Variants in CHD9 observed in about 807,000 individuals in gnomAD.
CHD9 encodes ATP-dependent chromatin remodeler CHD9.
CHD9 carries 77 observed loss-of-function variants against 316.1 expected under a neutral mutation model. That is an observed-to-expected ratio of 0.24 (90% CI 0.20 to 0.29). CHD9 has a LOEUF of 0.29. Ranked by LOEUF, CHD9 falls within the 10% of genes least tolerant of loss-of-function variation. The probability of loss-of-function intolerance (pLI) is 1.00; values close to 1 mark genes in which losing one functional copy is unlikely to be tolerated. For synonymous variants in CHD9, 1,129 were observed against 1,158.3 expected (o/e 0.97, Z 0.51); for missense variants, 2,763 against 3,438.1 (o/e 0.80, Z 4.91).
intron 4 of CHD9, 76 bp from the exon 5 acceptor site, chr16:53,226,290 A>C (rs888072205): frequency 3.0e-6 from 3 of 990,650 alleles, no homozygotes; most frequent in Admixed American, 3.6e-5. Flanking sequence ...AAAATTGCCA[A>C]CTCTAGGGGT....
rs2048517940 is a variant in CHD9 at position 53,235,186 on chromosome 16, A to ACCG, written c.2514_2516dup (p.Arg839dup). The ACCG allele has an allele frequency of 2.6e-6, 4 of 1,556,512 alleles. No homozygotes were observed. The highest frequency in any genetic ancestry group is 3.5e-6 in the Non-Finnish European group (4 of 1,148,668). ...TTCATTCTTTGTTTTTCCACAAAGG[A>ACCG]CCGTCCTCCTTCTAATATTTGGAAG... On this transcript the variant is annotated inframe_insertion and splice_region_variant, in exon 11 of 39. Coordinates refer to ENST00000447540, the MANE Select transcript of CHD9 (RefSeq NM_001308319.2).
intron 1 of CHD9, among the ~76,000 whole-genome samples, chr16:53,074,787 G>A (rs2152522342): frequency 6.6e-6 from 1 of 152,364 alleles, no homozygotes; most frequent in South Asian, 2.1e-4. Flanking sequence ...CCAGGCAGAA[G>A]TTTGCTGCAG....
At chr16:53,244,636 A>G (rs2049408927) in intron 13 of CHD9, among the ~76,000 whole-genome samples, 1 of 152,242 alleles carries the variant, frequency 6.6e-6, no homozygotes, top group South Asian at 2.1e-4. Flanking sequence ...CATACCAAGA[A>G]TGTTTGAGTA....
At chr16:53,301,446 A>G (rs2055406209) in intron 30 of CHD9, among the ~76,000 whole-genome samples, 1 of 152,218 alleles carries the variant, frequency 6.6e-6, no homozygotes, top group Admixed American at 6.5e-5. Context: ...CTGACAACTC[A>G]ATAAGTATTT....
chr16:53,179,947 T>G (rs2043366691), intron 2 of CHD9, among the ~76,000 whole-genome samples: 1 of 151,906 alleles, frequency 6.6e-6, no homozygotes, highest in Non-Finnish European at 1.5e-5. Flanking sequence ...TTTATATATT[T>G]TCTCATCAGC....
At chr16:53,275,921 A>G (rs998531735) in intron 24 of CHD9, among the ~76,000 whole-genome samples, 3 of 152,134 alleles carry the variant, frequency 2.0e-5, no homozygotes, top group Non-Finnish European at 4.4e-5. Context: ...CTACAGCCGC[A>G]TAATCACCTG....
chr16:53,072,681 C>CTTTTTATT (rs1567307839), intron 1 of CHD9, among the ~76,000 whole-genome samples: 2 of 151,534 alleles, frequency 1.3e-5, no homozygotes. Flanking sequence ...CAGCCTATAA[C>CTTTTTATT]TTTTTATTTT....
intron 1 of CHD9, among the ~76,000 whole-genome samples, chr16:53,062,578 C>T (rs1307974948): frequency 6.6e-6 from 1 of 151,756 alleles, no homozygotes; most frequent in Non-Finnish European, 1.5e-5. Flanking sequence ...CCCATCTCTA[C>T]AAAACATTTT....
chr16:53,081,266 G>T (rs1402722593), intron 1 of CHD9, among the ~76,000 whole-genome samples: 2 of 152,206 alleles, frequency 1.3e-5, no homozygotes, highest in African/African-American at 4.8e-5. Flanking sequence ...AGAGTTTCTA[G>T]ATGGGAGGGA....
chr16:53,184,180 G>A (rs1318663663), intron 2 of CHD9, among the ~76,000 whole-genome samples: 3 of 151,900 alleles, frequency 2.0e-5, no homozygotes, highest in East Asian at 1.9e-4. Context: ...TCCTGACCTC[G>A]TGATCCTGGC....
At chr16:53,135,529 A>G (rs1417001377) in intron 1 of CHD9, among the ~76,000 whole-genome samples, 1 of 152,190 alleles carries the variant, frequency 6.6e-6, no homozygotes, top group Non-Finnish European at 1.5e-5. Context: ...TGGATGTGAG[A>G]AGAAAAGTGT....
Position 53,175,199 on chromosome 16 carries a change from C to A in CHD9, c.1452+17658C>A, listed in dbSNP as rs569927185. Among the ~76,000 whole-genome samples the A allele has an allele frequency of 4.7e-4, 71 of 152,188 alleles. 2 individuals carry two copies. The South Asian group carries it at 0.013, about 28-fold the overall frequency. ...ACTCATCTAGAACCTTTAAAGGGCA[C>A]CCTCTGAAGATCTCTGGAGGTCTTT... On this transcript the variant is annotated intron_variant, in intron 2 of 38. Transcript: ENST00000447540.
At chr16:53,198,933 A>G (rs1473082974) in intron 2 of CHD9, among the ~76,000 whole-genome samples, 1 of 152,122 alleles carries the variant, frequency 6.6e-6, no homozygotes, top group East Asian at 1.9e-4. Flanking sequence ...TTATTTTATA[A>G]GTCTTATAAA....
chr16:53,319,290 G>C (rs764054883), intron 37 of CHD9, among the ~76,000 whole-genome samples: 10 of 152,126 alleles, frequency 6.6e-5, no homozygotes, highest in Non-Finnish European at 1.3e-4. Flanking sequence ...CATAGGTCTG[G>C]TTCTGATTTA....
At position 53,151,420 on chromosome 16, in the gene CHD9, G is replaced by C. The variant is rs184388179; in HGVS notation, c.-164-4506G>C. Among the ~76,000 whole-genome samples, 48 of 151,678 alleles carry C rather than the reference G, an allele frequency of 3.2e-4. No individual in the cohort carries two copies. The East Asian group carries it at 8.4e-3, about 26-fold the overall frequency. On this transcript the variant is annotated intron_variant, in intron 1 of 38. Coordinates refer to ENST00000447540, the MANE Select transcript of CHD9 (RefSeq NM_001308319.2). ...AGGCGCCTGCCATCATGCCAGGCTAGTTTTTATATTTTTTTAGTAGAGATG... is the reference window on the plus strand; with the variant it reads ...AGGCGCCTGCCATCATGCCAGGCTACTTTTTATATTTTTTTAGTAGAGATG...
At chr16:53,079,516 T>C (rs1160826875) in intron 1 of CHD9, among the ~76,000 whole-genome samples, 1 of 152,198 alleles carries the variant, frequency 6.6e-6, no homozygotes, top group East Asian at 1.9e-4. Context: ...CCTACATCCC[T>C]GGGAATTTTC....
intron 3 of CHD9, among the ~76,000 whole-genome samples, chr16:53,222,143 C>T (rs1292141153): frequency 6.6e-6 from 1 of 151,958 alleles, no homozygotes; most frequent in Non-Finnish European, 1.5e-5. Flanking sequence ...ATGGTGCGGT[C>T]TTGGCTCACT....
In CHD9 at chr16:53,242,831, C is replaced by T. The variant is rs746597999; in HGVS notation, c.2878-9C>T. 1 of 1,593,188 alleles carries T rather than the reference C, an allele frequency of 6.3e-7. No homozygotes were observed. The highest frequency in any genetic ancestry group is 2.2e-5 in the East Asian group (1 of 44,572). On this transcript the variant is annotated splice_polypyrimidine_tract_variant and intron_variant, in intron 12 of 38. Transcript: ENST00000447540. ...ATTCCAGCAAATAATTATATTTGAT[C>T]ATTTCTAGGGGCGTATCATTCGAGG...
intron 29 of CHD9, among the ~76,000 whole-genome samples, chr16:53,296,193 T>C (rs1357973601): frequency 6.6e-6 from 1 of 152,146 alleles, no homozygotes; most frequent in African/African-American, 2.4e-5. Flanking sequence ...CCTGAAACTT[T>C]TGGTTTCTTT....
Sources: allele counts gnomAD v4.1 joint callset (sites outside exome capture counted in the v4.1 genomes callset), GRCh38; gene constraint gnomAD v4.1.1; transcripts MANE v1.5; gene names NCBI Gene and HGNC (gene_info 2026-07-23, HGNC 2026-07-21).